HOMER1: variants seen among roughly 807,000 people sequenced by gnomAD.
HOMER1 encodes the protein homer scaffold protein 1.
Under a neutral mutation model 48.9 loss-of-function variants are expected in HOMER1, and 3 were observed. The observed-to-expected ratio is 0.06, with a 90% confidence interval of 0.03 to 0.16. The LOEUF is 0.16. Ranked by LOEUF, HOMER1 falls within the 10% of genes least tolerant of loss-of-function variation. The pLI is 1.00. For synonymous variants in HOMER1, 134 were observed against 146.4 expected, an observed-to-expected ratio of 0.92 and a Z score of 0.61; for missense variants, 247 against 411.4, an observed-to-expected ratio of 0.60 and a Z score of 3.46.
chr5:79,397,547 T>C lies in HOMER1; in HGVS notation c.775A>G (p.Thr259Ala). The change falls in exon 7 of 9, where the codon ACA (threonine) becomes GCA (alanine). Residue 259 changes from threonine to alanine, a missense_variant. Physicochemically the swap from Thr to Ala is moderately conservative, Grantham distance 58. This residue lies in a region of HOMER1 where 113 missense variants were observed against 152.5 expected (regional missense o/e 0.74). Transcript: ENST00000334082. ...LNQTIQELEE[T>A]LKLKEEEIER... is the part of the protein sequence containing the mutation. ...AATACCTCTTCCTTCAGTTTCAGTG[T>C]CTCTTCCAGTTCTTGTATTGTCTGA... The C allele has an allele frequency of 6.2e-7, 1 of 1,600,102 alleles. No individual in the cohort carries two copies. The highest frequency in any genetic ancestry group is 8.6e-7 in the Non-Finnish European group (1 of 1,169,492).
At chr5:79,502,082 C>T (rs138890485) in intron 1 of HOMER1, among the ~76,000 whole-genome samples, 1,457 of 141,442 alleles carry the variant, frequency 0.01, 17 homozygotes, top group African/African-American at 0.034. Context: ...TTCAGTGGCG[C>T]GATCTTGGCT....
intron 1 of HOMER1, among the ~76,000 whole-genome samples, chr5:79,474,090 A>AT (rs1751691345): frequency 6.6e-6 from 1 of 151,858 alleles, no homozygotes; most frequent in Admixed American, 6.6e-5. Context: ...GGAGTGCAGT[A>AT]GTATGCTCAT....
At position 79,375,374 on chromosome 5, in the gene HOMER1, G is replaced by A. The variant is rs1748742842; in HGVS notation, c.*635C>T. On this transcript the variant is annotated 3_prime_UTR_variant, in exon 9 of 9. Transcript: ENST00000334082. ...ACAGACAAGATTAGAGAACACCAGA[G>A]TGTACCAGAGTAGTCACCAGAGTGA... The A allele has an allele frequency of 6.6e-6, 1 of 152,072 alleles. No homozygotes were observed. The highest frequency in any genetic ancestry group is 2.4e-5 in the African/African-American group (1 of 41,456). 9.4% of individuals were successfully genotyped at this position (152,072 alleles called of 1,614,324 possible). A position where few individuals can be genotyped will look rare whatever the true frequency, so the allele number is the denominator to read the frequency against.
intron 1 of HOMER1, among the ~76,000 whole-genome samples, chr5:79,479,581 A>T (rs1751888984): frequency 6.6e-6 from 1 of 152,214 alleles, no homozygotes; most frequent in Non-Finnish European, 1.5e-5. Context: ...ATTGTCCCCT[A>T]CAGCCTCCTG....
intron 5 of HOMER1, among the ~76,000 whole-genome samples, chr5:79,429,945 C>A (rs2112261713): frequency 6.6e-6 from 1 of 151,920 alleles, no homozygotes; most frequent in African/African-American, 2.4e-5. Context: ...ATGGCATGAA[C>A]CCAGGCCGCA....
chr5:79,494,591 G>A (rs1481996720), intron 1 of HOMER1, among the ~76,000 whole-genome samples: 1 of 152,196 alleles, frequency 6.6e-6, no homozygotes, highest in Non-Finnish European at 1.5e-5. Context: ...TGTTTCAGCT[G>A]GGTGCGGTGG....
chr5:79,395,298 C>T (rs556324949), intron 8 of HOMER1, among the ~76,000 whole-genome samples: 1 of 152,294 alleles, frequency 6.6e-6, no homozygotes, highest in South Asian at 2.1e-4. Context: ...TGATTCCATG[C>T]TTCATATTTA....
Position 79,513,167 on chromosome 5 carries a change from C to A in HOMER1, c.-393G>T. 1 of 197,236 alleles carries A rather than the reference C, an allele frequency of 5.1e-6. No individual in the cohort carries two copies. The highest frequency in any genetic ancestry group is 1.0e-5 in the Non-Finnish European group (1 of 97,262). The allele number at this position is 197,236 out of a possible 1,614,324, so 12.2% of individuals were successfully genotyped here. On this transcript the variant is annotated 5_prime_UTR_variant, in exon 1 of 9. Transcript: ENST00000334082. ...ACTCAGGGAGAGCCAGGTAACTCGG[C>A]CTTTTCGGAGCTAAGGCTGCGGGTT...
At chr5:79,387,886 T>C (rs975796062) in intron 8 of HOMER1, among the ~76,000 whole-genome samples, 2 of 152,156 alleles carry the variant, frequency 1.3e-5, no homozygotes, top group Admixed American at 1.3e-4. Flanking sequence ...GACTTCGACA[T>C]AACTAGAAGA....
At chr5:79,497,379 G>A (rs2112367453) in intron 1 of HOMER1, among the ~76,000 whole-genome samples, 1 of 152,246 alleles carries the variant, frequency 6.6e-6, no homozygotes, top group South Asian at 2.1e-4. Context: ...GCTGGGTGCA[G>A]TGGCTCATGC....
At chr5:79,432,262 T>C (rs931381131) in intron 5 of HOMER1, among the ~76,000 whole-genome samples, 1 of 152,194 alleles carries the variant, frequency 6.6e-6, no homozygotes, top group African/African-American at 2.4e-5. Context: ...AATCCCCATG[T>C]AGCAGGCTAA....
chr5:79,460,178 A>G (rs1402281370), intron 1 of HOMER1, among the ~76,000 whole-genome samples: 1 of 152,186 alleles, frequency 6.6e-6, no homozygotes, highest in African/African-American at 2.4e-5. Flanking sequence ...TTAGAAAGAT[A>G]AATCTGGGCC....
intron 5 of HOMER1, among the ~76,000 whole-genome samples, chr5:79,417,146 T>C (rs1209654204): frequency 1.4e-5 from 1 of 69,908 alleles, no homozygotes; most frequent in Admixed American, 1.3e-4. Flanking sequence ...GCACCCCTAC[T>C]TTTTTTTTTT....
intron 2 of HOMER1, among the ~76,000 whole-genome samples, chr5:79,452,946 A>G (rs1751068970): frequency 6.7e-6 from 1 of 148,506 alleles, no homozygotes; most frequent in South Asian, 2.2e-4. Context: ...AAGACTAAAT[A>G]GGAAGGACTT....
chr5:79,408,256 G>A (rs1445424302), intron 5 of HOMER1, among the ~76,000 whole-genome samples: 1 of 152,196 alleles, frequency 6.6e-6, no homozygotes, highest in Admixed American at 6.5e-5. Context: ...TGGAGTGACA[G>A]TGTTGAAAGA....
In HOMER1 at chr5:79,383,470, C is replaced by T. The variant is rs141814427; in HGVS notation, c.877-7273G>A. Among the ~76,000 whole-genome samples the T allele has an allele frequency of 3.8e-3, 579 of 151,686 alleles. 5 individuals carry two copies. Among genetic ancestry groups the T allele is most frequent in the African/African-American group, 0.014 (560 of 41,294 alleles). ...GTGCGATCTCAGCTCACTGCAACCTCTGCCTCCCGGGTTCAAGCGATTTTC... is the reference window on the plus strand; with the variant it reads ...GTGCGATCTCAGCTCACTGCAACCTTTGCCTCCCGGGTTCAAGCGATTTTC... On this transcript the variant is annotated intron_variant, in intron 8 of 8. Coordinates refer to ENST00000334082, the MANE Select transcript of HOMER1 (RefSeq NM_004272.5).
rs147403470 is a variant in HOMER1, at chr5:79,403,330, A to T, written c.528-1275T>A. On this transcript the variant is annotated intron_variant, in intron 5 of 8. Transcript: ENST00000334082. ...TAAATTTGATGGGTTGATATTTTAT[A>T]GTAATTTTAGCATATATTTTATTTA... Among the ~76,000 whole-genome samples, 31 of 152,306 alleles carry T rather than the reference A, an allele frequency of 2.0e-4. No homozygotes were observed. The East Asian group carries it at 5.8e-3, about 28-fold the overall frequency.
chr5:79,446,734 G>A (rs1750892318), intron 4 of HOMER1, among the ~76,000 whole-genome samples: 1 of 150,488 alleles, frequency 6.6e-6, no homozygotes. Context: ...CGACCTCCCA[G>A]TCAAGTGATC....
intron 8 of HOMER1, among the ~76,000 whole-genome samples, 177 bp downstream of exon 8, chr5:79,396,646 T>C (rs972964318): frequency 3.3e-5 from 5 of 152,024 alleles, no homozygotes; most frequent in Non-Finnish European, 5.9e-5. Context: ...ATAAGCTACA[T>C]AGATGAAGTT....
Sources: allele counts gnomAD v4.1 joint callset (sites outside exome capture counted in the v4.1 genomes callset), GRCh38; gene constraint gnomAD v4.1.1; regional missense constraint gnomAD v4.1.1; transcripts MANE v1.5; gene names NCBI Gene and HGNC (gene_info 2026-07-23, HGNC 2026-07-21).